The following MCC variants were observed in gnomAD, a reference collection of about 807,000 sequenced individuals.
MCC encodes the protein colorectal mutant cancer protein.
A neutral mutation model predicts 116.2 loss-of-function variants in MCC; 90 were observed. The observed-to-expected ratio is 0.77, with a 90% CI of 0.65 to 0.92. The LOEUF is 0.92. Among genes scored for constraint, MCC ranks in the 40% least tolerant of loss-of-function variants. The pLI, the probability that MCC is intolerant of heterozygous loss-of-function variation, is 0.00. For synonymous variants in MCC, 578 were observed against 510.5 expected, an observed-to-expected ratio of 1.13 and a Z score of -1.78; for missense variants, 1,516 against 1,312.2, an observed-to-expected ratio of 1.16 and a Z score of -2.40.
chr5:113,433,685 G>C, intron 1 of MCC: 1 of 1,564,348 alleles, frequency 6.4e-7, no homozygotes, highest in South Asian at 1.2e-5. Flanking sequence ...CTTCTTCAGA[G>C]CTTGGGCTTT....
chr5:113,384,587 C>T (rs1282351026), intron 2 of MCC, among the ~76,000 whole-genome samples: 1 of 152,100 alleles, frequency 6.6e-6, no homozygotes, highest in African/African-American at 2.4e-5. Context: ...GACTCCGTCC[C>T]CCGCCCCCCA....
At chr5:113,260,764 C>T (rs1765194161) in intron 3 of MCC, among the ~76,000 whole-genome samples, 1 of 151,596 alleles carries the variant, frequency 6.6e-6, no homozygotes, top group Non-Finnish European at 1.5e-5. Flanking sequence ...AAATATCCCC[C>T]GAAAAGTACA....
chr5:113,436,724 G>GT (rs142796367), intron 1 of MCC: 5 of 152,174 alleles, frequency 3.3e-5, no homozygotes, highest in African/African-American at 7.2e-5. Context: ...TTAACAGTGT[G>GT]TTTTTTCTGA....
In MCC at chr5:113,252,301, G is replaced by T. The variant is rs575986026; in HGVS notation, c.627+88218C>A. 5.9e-5 allele frequency among the ~76,000 whole-genome samples: 9 copies of T among 152,334 alleles called. No homozygotes were observed. In the East Asian group the frequency reaches 1.5e-3, roughly 26 times the overall value. ...CAGGAGGTGAGTGGTGGGTGGGCGAGTGAGAGAAGCTTCATCTGTATTTAC... is the reference window on the plus strand; with the variant it reads ...CAGGAGGTGAGTGGTGGGTGGGCGATTGAGAGAAGCTTCATCTGTATTTAC... On this transcript the variant is annotated intron_variant, in intron 3 of 18. Coordinates refer to ENST00000408903, the MANE Select transcript of MCC (RefSeq NM_001085377.2).
intron 17 of MCC, among the ~76,000 whole-genome samples, chr5:113,030,726 G>C (rs1445810607): frequency 6.6e-6 from 1 of 152,152 alleles, no homozygotes; most frequent in Non-Finnish European, 1.5e-5. Context: ...GAGGATATCT[G>C]ATACATTAAG....
At chr5:113,116,302 C>G (rs1757389508) in intron 6 of MCC, among the ~76,000 whole-genome samples, 1 of 152,166 alleles carries the variant, frequency 6.6e-6, no homozygotes, top group South Asian at 2.1e-4. Flanking sequence ...CAGCAATGTT[C>G]ACAATGATGG....
intron 5 of MCC, among the ~76,000 whole-genome samples, chr5:113,137,030 A>T (rs1166785189): frequency 6.6e-6 from 1 of 152,146 alleles, no homozygotes; most frequent in Non-Finnish European, 1.5e-5. Context: ...TATGTGTATT[A>T]GTCTGTTCTC....
intron 3 of MCC, among the ~76,000 whole-genome samples, chr5:113,198,793 A>G (rs1447335368): frequency 6.6e-6 from 1 of 151,960 alleles, no homozygotes; most frequent in Non-Finnish European, 1.5e-5. Context: ...CACAAGATTC[A>G]GGAGAGAGGC....
intron 5 of MCC, among the ~76,000 whole-genome samples, chr5:113,139,393 G>A (rs1038278626): frequency 6.6e-6 from 1 of 152,070 alleles, no homozygotes; most frequent in African/African-American, 2.4e-5. Flanking sequence ...TCTCTTACAG[G>A]AAAAGTCCTA....
intron 1 of MCC, among the ~76,000 whole-genome samples, chr5:113,387,499 A>T (rs1303848918): frequency 6.6e-6 from 1 of 152,236 alleles, no homozygotes; most frequent in African/African-American, 2.4e-5. Flanking sequence ...TTCAGATTAT[A>T]CTTTCTAAAA....
intron 11 of MCC, among the ~76,000 whole-genome samples, chr5:113,077,507 C>A (rs185033980): frequency 5.3e-4 from 80 of 152,308 alleles, no homozygotes; most frequent in African/African-American, 1.9e-3. Context: ...GAAACTCACT[C>A]AAAACTGCAT....
chr5:113,233,634 C>T (rs1187931870), intron 3 of MCC, among the ~76,000 whole-genome samples: 1 of 152,010 alleles, frequency 6.6e-6, no homozygotes, highest in Admixed American at 6.5e-5. Flanking sequence ...TCTCTCCTCT[C>T]TCTCACTGTC....
chr5:113,264,668 T>C (rs1001179317), intron 3 of MCC, among the ~76,000 whole-genome samples: 2 of 152,196 alleles, frequency 1.3e-5, no homozygotes, highest in African/African-American at 4.8e-5. Context: ...TTTTCCCACT[T>C]TTAAATGGTT....
At chr5:113,134,406 T>A (rs1758662000) in intron 5 of MCC, among the ~76,000 whole-genome samples, 1 of 152,198 alleles carries the variant, frequency 6.6e-6, no homozygotes, top group Non-Finnish European at 1.5e-5. Flanking sequence ...TTCTGGATTC[T>A]CTATTATGTT....
rs866533876 is a variant in MCC at position 113,024,461 on chromosome 5, T to C, written c.*2841A>G. 22 of 152,206 alleles carry C rather than the reference T, an allele frequency of 1.4e-4. No homozygotes were observed. The highest frequency in any genetic ancestry group is 5.3e-4 in the African/African-American group (22 of 41,442). 9.4% of individuals were successfully genotyped at this position (152,206 alleles called of 1,614,324 possible). A position where few individuals can be genotyped will look rare whatever the true frequency, so the allele number is the denominator to read the frequency against. On this transcript the variant is annotated 3_prime_UTR_variant, in exon 19 of 19. Transcript: ENST00000408903. The stretch of plus-strand genomic sequence containing the variant: ...TGCCTCAGTCCAACAATGGGAAATA[T>C]ATTCCAAGGGAACTGTGAAATGGGT...
At chr5:113,111,657 A>G (rs1757106332) in intron 6 of MCC, among the ~76,000 whole-genome samples, 1 of 152,264 alleles carries the variant, frequency 6.6e-6, no homozygotes, top group Non-Finnish European at 1.5e-5. Flanking sequence ...CAAATACACT[A>G]CAGGAACTTA....
intron 3 of MCC, among the ~76,000 whole-genome samples, chr5:113,232,148 T>C (rs1279677975): frequency 6.6e-6 from 1 of 152,202 alleles, no homozygotes; most frequent in East Asian, 1.9e-4. Context: ...GTATCACTTT[T>C]AACATTGAAT....
At chr5:113,462,042 T>C (rs1182633012) in intron 1 of MCC, among the ~76,000 whole-genome samples, 1 of 152,214 alleles carries the variant, frequency 6.6e-6, no homozygotes, top group Non-Finnish European at 1.5e-5. Flanking sequence ...CCTGAGAACC[T>C]TAGCCTGTTA....
chr5:113,346,824 G>T (rs1288582599), intron 2 of MCC, among the ~76,000 whole-genome samples: 1 of 151,810 alleles, frequency 6.6e-6, no homozygotes, highest in African/African-American at 2.4e-5. Context: ...CATAAAAGCA[G>T]CAAGAGAAAG....
Sources: allele counts gnomAD v4.1 joint callset (sites outside exome capture counted in the v4.1 genomes callset), GRCh38; gene constraint gnomAD v4.1.1; transcripts MANE v1.5; gene names NCBI Gene and HGNC (gene_info 2026-07-23, HGNC 2026-07-21).